The following HNRNPF variants were observed in gnomAD, a reference collection of about 807,000 sequenced individuals.
HNRNPF encodes HnRNP F protein.
A neutral mutation model predicts 26.0 loss-of-function variants in HNRNPF; 2 were observed. The observed-to-expected ratio is 0.08, with a 90% CI of 0.03 to 0.24. The LOEUF (loss-of-function observed/expected upper bound fraction) is 0.24. Ranked by LOEUF, HNRNPF falls within the 10% of genes least tolerant of loss-of-function variation. The probability of loss-of-function intolerance (pLI) is 1.00; values close to 1 mark genes in which losing one functional copy is unlikely to be tolerated. For synonymous variants in HNRNPF, 234 were observed against 211.5 expected (o/e 1.11, Z -0.92); for missense variants, 299 against 539.2 (o/e 0.55, Z 4.41).
chr10:43,393,955 C>G (rs1405353343), intron 3 of HNRNPF, among the ~76,000 whole-genome samples: 1 of 152,204 alleles, frequency 6.6e-6, no homozygotes, highest in Non-Finnish European at 1.5e-5. Flanking sequence ...GGTCTAAGCT[C>G]AAATACACCA....
At chr10:43,397,442 C>G (rs189594798) in intron 1 of HNRNPF, 1 of 152,380 alleles carries the variant, frequency 6.6e-6, no homozygotes, top group Non-Finnish European at 1.5e-5. Flanking sequence ...TCTCCGAGTT[C>G]TCCCGAAGGG....
chr10:43,395,524 T>A (rs1838453764), intron 2 of HNRNPF, among the ~76,000 whole-genome samples: 2 of 152,222 alleles, frequency 1.3e-5, no homozygotes, highest in South Asian at 2.1e-4. Context: ...TGTCTTAACA[T>A]GAAGATAATC....
At position 43,386,611 on chromosome 10, in the gene HNRNPF, A is replaced by C; in HGVS notation, c.*26T>G. On this transcript the variant is annotated 3_prime_UTR_variant, in exon 4 of 4. Transcript: ENST00000682386. ...TGTTGGCTGCCTGTGAAAATGATTG[A>C]AGTAACTCAAATGTTCCTAACAAAA... 6.6e-7 allele frequency: 1 copy of C among 1,511,310 alleles called. No individual in the cohort carries two copies. The highest frequency in any genetic ancestry group is 8.8e-7 in the Non-Finnish European group (1 of 1,134,160). 93.6% of individuals were successfully genotyped at this position (1,511,310 alleles called of 1,614,324 possible).
At chr10:43,397,872 C>G (rs544295795) in intron 1 of HNRNPF, among the ~76,000 whole-genome samples, 1 of 152,072 alleles carries the variant, frequency 6.6e-6, no homozygotes, top group South Asian at 2.1e-4. Context: ...GCAGATGATA[C>G]CTGATTTCTT....
chr10:43,385,906 G>A lies in HNRNPF; in HGVS notation c.*731C>T, dbSNP rs1342390471. 1.3e-5 allele frequency: 2 copies of A among 152,550 alleles called. No individual in the cohort carries two copies. The highest frequency in any genetic ancestry group is 3.8e-4 in the East Asian group (2 of 5,200). The allele number at this position is 152,550 out of a possible 1,614,324, so 9.4% of individuals were successfully genotyped here. A position where few individuals can be genotyped will look rare whatever the true frequency, so the allele number is the denominator to read the frequency against. ...AGCCTCATCATAAGAATATAAGGGA[G>A]ATCATAGATTTGATGTATGAAATTT... On this transcript the variant is annotated 3_prime_UTR_variant, in exon 4 of 4. Coordinates refer to ENST00000682386, the MANE Select transcript of HNRNPF (RefSeq NM_001098204.2).
At chr10:43,408,356 C>T (rs1838997649) in intron 1 of HNRNPF, among the ~76,000 whole-genome samples, 1 of 152,190 alleles carries the variant, frequency 6.6e-6, no homozygotes, top group Admixed American at 6.5e-5. Context: ...CGGCTCTCGA[C>T]CTCCGACGCT....
Position 43,386,562 on chromosome 10 carries a change from CTATTA to C in HNRNPF, c.*70_*74del. Reference sequence around the variant, plus strand: ...TGCAAAATGGGTCCCCCAGCTTCCTCTATTATAACTGCTCTTAATTGCTTGTTGGC... The same window carrying C: ...TGCAAAATGGGTCCCCCAGCTTCCTCTAACTGCTCTTAATTGCTTGTTGGC... On this transcript the variant is annotated 3_prime_UTR_variant, in exon 4 of 4. Transcript: ENST00000682386. 7.2e-7 allele frequency: 1 copy of C among 1,383,604 alleles called. No individual in the cohort carries two copies. Among genetic ancestry groups the C allele is most frequent in the African/African-American group, 1.4e-5 (1 of 69,516 alleles). The allele number at this position is 1,383,604 out of a possible 1,614,324, so 85.7% of individuals were successfully genotyped here.
Position 43,387,377 on chromosome 10 carries a change from C to T in HNRNPF, c.508G>A (p.Gly170Arg). ...TGCCCTATCCTCTCCTTGTGTTTCC[C>T]TAGAGCCTTCTCAGCTAACTCCTGC... The part of the protein sequence containing the change: ...ASQELAEKAL[G>R]KHKERIGHRY... The change falls in exon 4 of 4, where the codon GGG (glycine) becomes AGG (arginine). Residue 170 changes from glycine to arginine, a missense_variant. Gly to Arg is a moderately radical substitution (Grantham distance 125). Coordinates refer to ENST00000682386, the MANE Select transcript of HNRNPF (RefSeq NM_001098204.2). This position sits in a 1 kb window ranked among gnomAD's most constrained non-coding sequence, Gnocchi z 6.0. 6.2e-7 allele frequency: 1 copy of T among 1,614,190 alleles called. No homozygotes were observed. Among genetic ancestry groups the T allele is most frequent in the Non-Finnish European group, 8.5e-7 (1 of 1,180,036 alleles).
chr10:43,404,093 T>C (rs1838835870), intron 1 of HNRNPF, among the ~76,000 whole-genome samples: 1 of 151,802 alleles, frequency 6.6e-6, no homozygotes, highest in Non-Finnish European at 1.5e-5. Flanking sequence ...GGTCAGGAGT[T>C]TGAGACCAGC....
chr10:43,394,230 G>A (rs1032066705), intron 3 of HNRNPF, among the ~76,000 whole-genome samples: 1 of 152,088 alleles, frequency 6.6e-6, no homozygotes, highest in Non-Finnish European at 1.5e-5. Context: ...GGCTGAAAAA[G>A]ACATACAAGC....
At position 43,396,545 on chromosome 10, in the gene HNRNPF, G is replaced by A. The variant is rs11548184; in HGVS notation, c.-201C>T. The A allele has an allele frequency of 0.028, 4,275 of 152,436 alleles. 95 individuals carry two copies. Among genetic ancestry groups the A allele is most frequent in the South Asian group, 0.041 (197 of 4,830 alleles). The allele number at this position is 152,436 out of a possible 1,614,324, so 9.4% of individuals were successfully genotyped here. On this transcript the variant is annotated 5_prime_UTR_variant, in exon 2 of 4. Coordinates refer to ENST00000682386, the MANE Select transcript of HNRNPF (RefSeq NM_001098204.2). Reference sequence around the variant, plus strand: ...CGAAATTCCACCGAAGCTCAACCACGCAGAGGGCTCCGGGGAAACTCCAGG... The same window carrying A: ...CGAAATTCCACCGAAGCTCAACCACACAGAGGGCTCCGGGGAAACTCCAGG...
At chr10:43,400,256 A>T (rs1838711780) in intron 1 of HNRNPF, among the ~76,000 whole-genome samples, 1 of 152,220 alleles carries the variant, frequency 6.6e-6, no homozygotes, top group South Asian at 2.1e-4. Flanking sequence ...CCTTCTGTAC[A>T]TTATCTCCCC....
intron 1 of HNRNPF, among the ~76,000 whole-genome samples, chr10:43,402,441 C>G (rs1838782453): frequency 6.6e-6 from 1 of 152,158 alleles, no homozygotes; most frequent in East Asian, 1.9e-4. Flanking sequence ...TCTGGAATTC[C>G]TACTATTCAC....
At chr10:43,400,734 T>C (rs1838726936) in intron 1 of HNRNPF, among the ~76,000 whole-genome samples, 1 of 152,206 alleles carries the variant, frequency 6.6e-6, no homozygotes, top group African/African-American at 2.4e-5. Context: ...GTATCTGAAG[T>C]GTGAGAATTC....
chr10:43,388,955 G>C (rs1838137573), intron 3 of HNRNPF, among the ~76,000 whole-genome samples: 1 of 150,218 alleles, frequency 6.7e-6, no homozygotes, highest in Non-Finnish European at 1.5e-5. Context: ...AAGAGCATAG[G>C]AGTATATGGA....
chr10:43,387,420 C>A lies in HNRNPF; in HGVS notation c.465G>T (p.Ala155=). ...ACTCCTGCGAGGCAAACTGCACGAA[C>A]GCTTCCCCTGTAATCTTGCCTTCGG... ...VDPEGKITGE[A]FVQFASQELA... is the part of the protein sequence containing the mutation. Residue 155 remains alanine (A), a synonymous_variant, in exon 4 of 4, where the codon GCG becomes GCT. Coordinates refer to ENST00000682386, the MANE Select transcript of HNRNPF (RefSeq NM_001098204.2). The surrounding 1 kb of genome is among the most constrained non-coding windows in gnomAD (Gnocchi z 6.0). 6.2e-7 allele frequency: 1 copy of A among 1,614,236 alleles called. No individual in the cohort carries two copies. The highest frequency in any genetic ancestry group is 2.2e-5 in the East Asian group (1 of 44,884).
At chr10:43,388,637 G>A (rs192932804) in intron 3 of HNRNPF, among the ~76,000 whole-genome samples, 2 of 152,352 alleles carry the variant, frequency 1.3e-5, no homozygotes, top group Admixed American at 1.3e-4. Context: ...CAGATCAGAT[G>A]ATTCACAGGT....
intron 1 of HNRNPF, among the ~76,000 whole-genome samples, chr10:43,400,383 A>T (rs1838714803): frequency 6.6e-6 from 1 of 152,202 alleles, no homozygotes; most frequent in Non-Finnish European, 1.5e-5. Flanking sequence ...TTTAGATTGA[A>T]GAAATTTTAG....
intron 1 of HNRNPF, chr10:43,407,629 TACAA>T (rs1231051137): frequency 1.3e-5 from 2 of 148,550 alleles, no homozygotes; most frequent in East Asian, 2.0e-4. Context: ...AAATACTTAA[TACAA>T]ACAAACAAAA....
Sources: allele counts gnomAD v4.1 joint callset (sites outside exome capture counted in the v4.1 genomes callset), GRCh38; gene constraint gnomAD v4.1.1; non-coding constraint Gnocchi (gnomAD v3.1); transcripts MANE v1.5; gene names NCBI Gene and HGNC (gene_info 2026-07-23, HGNC 2026-07-21).